Variants in TSC22D1 observed in about 807,000 individuals in gnomAD.
TSC22D1 encodes TSC22 domain family member 1.
Under a neutral mutation model 74.2 loss-of-function variants are expected in TSC22D1, and 9 were observed. The observed-to-expected ratio is 0.12, with a 90% CI of 0.07 to 0.21. The LOEUF is 0.21. Ranked by LOEUF, TSC22D1 falls within the 10% of genes least tolerant of loss-of-function variation. The pLI is 1.00. For missense variants in TSC22D1, 1,427 were observed against 1,304.7 expected (o/e 1.09, Z -1.44); for synonymous variants, 586 against 492.5 (o/e 1.19, Z -2.51).
At chr13:44,511,619 TACACACACACACACAC>T (rs66743224) in intron 1 of TSC22D1, among the ~76,000 whole-genome samples, 22 of 148,070 alleles carry the variant, frequency 1.5e-4, no homozygotes, top group African/African-American at 5.5e-4. Flanking sequence ...TAAAAAGAAA[TACACACACACACACAC>T]ACACACACAC....
chr13:44,468,000 G>GCACA (rs754334721), intron 1 of TSC22D1, among the ~76,000 whole-genome samples: 16 of 115,086 alleles, frequency 1.4e-4, no homozygotes, highest in East Asian at 8.4e-4. Context: ...ATACACACAC[G>GCACA]CGCACACACA....
intron 1 of TSC22D1, among the ~76,000 whole-genome samples, chr13:44,565,715 A>C (rs950388620): frequency 1.3e-5 from 2 of 152,132 alleles, no homozygotes; most frequent in African/African-American, 4.8e-5. Context: ...TTTTTAAATT[A>C]AACTTTCTCT....
At chr13:44,508,530 C>T (rs1879541998) in intron 1 of TSC22D1, among the ~76,000 whole-genome samples, 2 of 152,158 alleles carry the variant, frequency 1.3e-5, no homozygotes, top group South Asian at 4.1e-4. Context: ...TCCCAACACA[C>T]CTCCCAGCTT....
At chr13:44,456,502 T>C (rs1046844861) in intron 1 of TSC22D1, among the ~76,000 whole-genome samples, 4 of 152,188 alleles carry the variant, frequency 2.6e-5, no homozygotes, top group Admixed American at 1.3e-4. Flanking sequence ...AGAGCACTGA[T>C]TGGTGCGTTT....
At chr13:44,550,085 T>C (rs1467349926) in intron 1 of TSC22D1, among the ~76,000 whole-genome samples, 1 of 151,838 alleles carries the variant, frequency 6.6e-6, no homozygotes, top group Non-Finnish European at 1.5e-5. Flanking sequence ...AAAAAGAAAA[T>C]GAAAAGGTAT....
At position 44,569,217 on chromosome 13, in the gene TSC22D1, G is replaced by A. The variant is rs1375080102; in HGVS notation, c.2912+3946C>T. Among the ~76,000 whole-genome samples the A allele has an allele frequency of 4.6e-5, 7 of 152,016 alleles. No homozygotes were observed. The South Asian group carries it at 6.2e-4, about 14-fold the overall frequency. ...AATGAGAAGATTGAACCATAAAGAGGATAAATAGCCCGATGTTACATAAAA... is the reference window on the plus strand; with the variant it reads ...AATGAGAAGATTGAACCATAAAGAGAATAAATAGCCCGATGTTACATAAAA... On this transcript the variant is annotated intron_variant, in intron 1 of 2. Coordinates refer to ENST00000458659, the MANE Select transcript of TSC22D1 (RefSeq NM_183422.4).
At chr13:44,471,079 T>C (rs1877573538) in intron 1 of TSC22D1, among the ~76,000 whole-genome samples, 1 of 152,224 alleles carries the variant, frequency 6.6e-6, no homozygotes, top group Non-Finnish European at 1.5e-5. Flanking sequence ...GCCAACTATC[T>C]GGAAAACTTA....
rs764496322 is a variant in TSC22D1, at chr13:44,575,496, C to T, written c.579G>A (p.Gln193=). The change falls in exon 1 of 3, where the codon CAG becomes CAA. Residue 193 remains glutamine, a synonymous_variant. Coordinates refer to ENST00000458659, the MANE Select transcript of TSC22D1 (RefSeq NM_183422.4). ...AETPGAVSPN[Q]PHLPQPHLPH... The stretch of plus-strand genomic sequence containing the variant: ...GCAAATGAGGCTGAGGAAGGTGGGG[C>T]TGGTTGGGAGAGACTGCCCCAGGTG... 1 of 1,614,116 alleles carries T rather than the reference C, an allele frequency of 6.2e-7. No individual in the cohort carries two copies.
intron 1 of TSC22D1, among the ~76,000 whole-genome samples, chr13:44,553,471 TAAAAC>T (rs1474951145): frequency 1.3e-5 from 2 of 152,202 alleles, no homozygotes; most frequent in African/African-American, 2.4e-5. Context: ...TAATCTTACT[TAAAAC>T]AAACAGCTTA....
At chr13:44,539,013 G>GTCA (rs1881310423) in intron 1 of TSC22D1, 16 of 985,180 alleles carry the variant, frequency 1.6e-5, no homozygotes, top group Non-Finnish European at 1.8e-5. Context: ...ACCCATTGTA[G>GTCA]GTGATAAGAA....
chr13:44,439,916 T>C lies in TSC22D1; in HGVS notation c.2913-3821A>G, dbSNP rs187874450. Among the ~76,000 whole-genome samples, 173 of 152,284 alleles carry C rather than the reference T, an allele frequency of 1.1e-3. No homozygotes were observed. In the South Asian group the frequency reaches 0.016, roughly 14 times the overall value. ...TACAGTTGGAGATTCAGCACTGAAA[T>C]AGAGTAACCTCTTTCTCCCCCTATC... On this transcript the variant is annotated intron_variant, in intron 1 of 2. Transcript: ENST00000458659.
chr13:44,508,506 T>A (rs1174173886), intron 1 of TSC22D1, among the ~76,000 whole-genome samples: 2 of 152,178 alleles, frequency 1.3e-5, no homozygotes, highest in Non-Finnish European at 2.9e-5. Flanking sequence ...GCCACCTGGA[T>A]AACATAAATC....
intron 1 of TSC22D1, chr13:44,539,903 AC>A: frequency 1.6e-6 from 2 of 1,289,630 alleles, no homozygotes; most frequent in Non-Finnish European, 2.0e-6. Flanking sequence ...CACTCCTTGC[AC>A]CTCTGGTAGG....
chr13:44,572,178 A>G (rs1883814843), intron 1 of TSC22D1, among the ~76,000 whole-genome samples: 1 of 152,190 alleles, frequency 6.6e-6, no homozygotes, highest in Non-Finnish European at 1.5e-5. Context: ...AACAGACTGG[A>G]AAATTTGTGA....
Position 44,576,041 on chromosome 13 carries a change from C to G in TSC22D1, c.34G>C (p.Ala12Pro), listed in dbSNP as rs1595186809. 6.4e-7 allele frequency: 1 copy of G among 1,571,606 alleles called. No homozygotes were observed. The highest frequency in any genetic ancestry group is 8.6e-7 in the Non-Finnish European group (1 of 1,160,158). The stretch of plus-strand genomic sequence containing the variant: ...CTAGCGCTAATGTCTGCAGCGGCGG[C>G]GGCCGCGGCGGTGGACTCAGGCGGC... ...HQPPESTAAA[A>P]AAADISARKM... Residue 12 changes from alanine (A) to proline (P), a missense_variant, in exon 1 of 3, where the codon GCC (alanine) becomes CCC (proline). Around this residue, in one of 3 missense-constraint regions of TSC22D1, gnomAD observed 1,343 missense variants for 1,191.5 expected, o/e 1.13. Coordinates refer to ENST00000458659, the MANE Select transcript of TSC22D1 (RefSeq NM_183422.4).
At chr13:44,474,276 T>C in intron 1 of TSC22D1, 2 of 985,420 alleles carry the variant, frequency 2.0e-6, no homozygotes, top group Non-Finnish European at 2.4e-6. Flanking sequence ...GGTGGCTTTC[T>C]TGGGCCTCTC....
At chr13:44,447,460 T>C (rs1027944656) in intron 1 of TSC22D1, among the ~76,000 whole-genome samples, 1 of 152,198 alleles carries the variant, frequency 6.6e-6, no homozygotes, top group African/African-American at 2.4e-5. Flanking sequence ...TTGAATTTTT[T>C]AACTATAATT....
At chr13:44,445,236 C>T in intron 1 of TSC22D1, among the ~76,000 whole-genome samples, 1 of 150,112 alleles carries the variant, frequency 6.7e-6, no homozygotes, top group East Asian at 1.9e-4. Context: ...CACACACACA[C>T]ACACACACAC....
chr13:44,450,402 A>G (rs1037001009), intron 1 of TSC22D1, among the ~76,000 whole-genome samples: 1 of 152,220 alleles, frequency 6.6e-6, no homozygotes, highest in East Asian at 1.9e-4. Flanking sequence ...GGTCCACATA[A>G]TAGGGTTTAA....
Sources: allele counts gnomAD v4.1 joint callset (sites outside exome capture counted in the v4.1 genomes callset), GRCh38; gene constraint gnomAD v4.1.1; regional missense constraint gnomAD v4.1.1; transcripts MANE v1.5; gene names NCBI Gene and HGNC (gene_info 2026-07-23, HGNC 2026-07-21).